PCDHA8: variants seen among roughly 807,000 people sequenced by gnomAD.
The protein encoded by PCDHA8 is protocadherin alpha 8.
In PCDHA8, 53 loss-of-function variants were observed where a neutral mutation model predicts 61.8. The ratio of observed to expected loss-of-function variants is 0.86; its 90% CI spans 0.69 to 1.08. PCDHA8 has a LOEUF of 1.08. Among genes scored for constraint, PCDHA8 ranks in the 50% least tolerant of loss-of-function variants. PCDHA8 has a pLI of 0.00. For synonymous variants in PCDHA8, 618 were observed against 556.6 expected, an observed-to-expected ratio of 1.11 and a Z score of -1.55; for missense variants, 1,293 against 1,245.0, an observed-to-expected ratio of 1.04 and a Z score of -0.58.
chr5:140,977,163 AATG>A (rs1554238313), intron 1 of PCDHA8, among the ~76,000 whole-genome samples: 2 of 152,198 alleles, frequency 1.3e-5, no homozygotes, highest in Non-Finnish European at 2.9e-5. Flanking sequence ...CTTTCAGCAA[AATG>A]AGTTTGATGA....
In PCDHA8 at chr5:140,884,802, ACTCTGC is replaced by A. The variant is rs2060361534; in HGVS notation, c.2394+41088_2394+41093del. The A allele has an allele frequency of 4.1e-6, 5 of 1,232,140 alleles. No individual in the cohort carries two copies. The South Asian group carries it at 9.1e-5, about 22-fold the overall frequency. The allele number at this position is 1,232,140 out of a possible 1,614,324, so 76.3% of individuals were successfully genotyped here. A position where few individuals can be genotyped will look rare whatever the true frequency, so the allele number is the denominator to read the frequency against. ...TTGCTAGTTGTTATCGAATTTAACA[ACTCTGC>A]TGTGGACATTATGTGTTGGATTATC... is the stretch of plus-strand genomic sequence containing the variant. On this transcript the variant is annotated intron_variant, in intron 1 of 3. Transcript: ENST00000531613.
In PCDHA8 at chr5:140,953,934, C is replaced by T. The variant is rs2094953906; in HGVS notation, c.2395-25015C>T. 2.6e-5 allele frequency among the ~76,000 whole-genome samples: 4 copies of T among 152,200 alleles called. No homozygotes were observed. The South Asian group carries it at 8.3e-4, about 32-fold the overall frequency. On this transcript the variant is annotated intron_variant, in intron 1 of 3. Transcript: ENST00000531613. ...TTAGGTATTCTTCCTGATGCTCTCC[C>T]TCCCATTGCTCCCCCAACAGGCCCC...
At chr5:140,875,524 C>T in intron 1 of PCDHA8, 1 of 1,614,084 alleles carries the variant, frequency 6.2e-7, no homozygotes, top group East Asian at 2.2e-5. Context: ...GCTGCTCTCG[C>T]TTCTGCTCCT....
In PCDHA8 at chr5:140,842,836, G is replaced by A. The variant is rs2150345985; in HGVS notation, c.1515G>A (p.Ser505=). Reference sequence around the variant, plus strand: ...GGCGGGTGGGCGAGCGCTCGCTGTCGAGCTACATTTCGGTGCACACGGAGA... The same window carrying A: ...GGCGGGTGGGCGAGCGCTCGCTGTCAAGCTACATTTCGGTGCACACGGAGA... ...VERRVGERSL[S]SYISVHTESG... Residue 505 remains serine (S), a synonymous_variant, in exon 1 of 4, where the codon TCG becomes TCA. Coordinates refer to ENST00000531613, the MANE Select transcript of PCDHA8 (RefSeq NM_018911.3). 1.3e-6 allele frequency: 2 copies of A among 1,593,818 alleles called. No individual in the cohort carries two copies. The highest frequency in any genetic ancestry group is 2.2e-5 in the East Asian group (1 of 44,812).
chr5:140,877,215 A>T, intron 1 of PCDHA8: 1 of 1,613,722 alleles, frequency 6.2e-7, no homozygotes, highest in Non-Finnish European at 8.5e-7. Context: ...GCGAGTTGGT[A>T]CCGCGGTCGG....
At chr5:140,929,015 A>C (rs1563111690) in intron 1 of PCDHA8, 3 of 1,614,016 alleles carry the variant, frequency 1.9e-6, no homozygotes, top group African/African-American at 1.3e-5. Flanking sequence ...ACCAAGTTGC[A>C]CCAGAGCCCA....
intron 1 of PCDHA8, chr5:140,968,079 C>T (rs782150880): frequency 5.0e-6 from 8 of 1,614,142 alleles, no homozygotes; most frequent in Admixed American, 3.3e-5. Flanking sequence ...TACAACATCA[C>T]GGTGACAGCC....
At chr5:141,006,745 T>C (rs1554260891) in intron 3 of PCDHA8, among the ~76,000 whole-genome samples, 1 of 152,144 alleles carries the variant, frequency 6.6e-6, no homozygotes, top group Non-Finnish European at 1.5e-5. Flanking sequence ...TGATGTATTA[T>C]AAATGGAGAA....
At chr5:140,950,751 T>G (rs1051693960) in intron 1 of PCDHA8, among the ~76,000 whole-genome samples, 3 of 152,154 alleles carry the variant, frequency 2.0e-5, no homozygotes, top group African/African-American at 7.2e-5. Flanking sequence ...CTCTCTATCC[T>G]TTCTGGACTC....
At chr5:140,883,008 AT>A in intron 1 of PCDHA8, 1 of 1,614,178 alleles carries the variant, frequency 6.2e-7, no homozygotes, top group Non-Finnish European at 8.5e-7. Context: ...CAATCCGTTT[AT>A]AAAGTGACGG....
intron 3 of PCDHA8, among the ~76,000 whole-genome samples, chr5:140,996,673 T>C (rs2097737293): frequency 6.6e-6 from 1 of 152,200 alleles, no homozygotes; most frequent in African/African-American, 2.4e-5. Context: ...TTTTGAACCA[T>C]GTTGGGCTAG....
chr5:140,843,922 A>C, intron 1 of PCDHA8: 1 of 591,956 alleles, frequency 1.7e-6, no homozygotes, highest in Non-Finnish European at 2.9e-6. Flanking sequence ...CTATCTTGAA[A>C]CTCAAGTTAT....
chr5:140,863,474 G>A (rs1440662117), intron 1 of PCDHA8: 3 of 480,748 alleles, frequency 6.2e-6, no homozygotes, highest in African/African-American at 2.0e-5. Context: ...CTGGAGAGTC[G>A]CCTCCCAAGG....
chr5:140,976,770 C>T (rs2096730456), intron 1 of PCDHA8, among the ~76,000 whole-genome samples: 1 of 152,162 alleles, frequency 6.6e-6, no homozygotes, highest in Non-Finnish European at 1.5e-5. Flanking sequence ...GCCTGCTAGA[C>T]TCTGACTATA....
At chr5:140,963,346 A>G (rs2095758163) in intron 1 of PCDHA8, among the ~76,000 whole-genome samples, 1 of 152,236 alleles carries the variant, frequency 6.6e-6, no homozygotes, top group Non-Finnish European at 1.5e-5. Flanking sequence ...TTGTAAATTT[A>G]GTTCTTTTCA....
chr5:140,972,987 T>C (rs2096567014), intron 1 of PCDHA8, among the ~76,000 whole-genome samples: 1 of 152,044 alleles, frequency 6.6e-6, no homozygotes, highest in Admixed American at 6.6e-5. Flanking sequence ...TAAGGTAGAT[T>C]CTGTGCATTT....
At chr5:140,890,136 T>C (rs1297709763) in intron 1 of PCDHA8, among the ~76,000 whole-genome samples, 4 of 152,148 alleles carry the variant, frequency 2.6e-5, no homozygotes, top group Non-Finnish European at 4.4e-5. Flanking sequence ...TAGCTTGAAA[T>C]TGGCCATGGT....
chr5:140,957,038 C>T (rs534661886), intron 1 of PCDHA8, among the ~76,000 whole-genome samples: 1 of 152,048 alleles, frequency 6.6e-6, no homozygotes, highest in South Asian at 2.1e-4. Context: ...TTATGGGAGT[C>T]ATATAAAATA....
At chr5:140,875,264 C>T (rs1017689371) in intron 1 of PCDHA8, 10 of 1,189,206 alleles carry the variant, frequency 8.4e-6, no homozygotes, top group Non-Finnish European at 1.0e-5. Flanking sequence ...TGATGTCGCT[C>T]TACACTCAGA....
Sources: allele counts gnomAD v4.1 joint callset (sites outside exome capture counted in the v4.1 genomes callset), GRCh38; gene constraint gnomAD v4.1.1; transcripts MANE v1.5; gene names NCBI Gene and HGNC (gene_info 2026-07-23, HGNC 2026-07-21).